Variants in IL1RAPL1 observed in about 807,000 individuals in gnomAD.
IL1RAPL1 encodes the protein interleukin 1 receptor accessory protein like 1.
Under a neutral mutation model 48.4 loss-of-function variants are expected in IL1RAPL1, and 3 were observed. The ratio of observed to expected loss-of-function variants is 0.06; its 90% confidence interval spans 0.03 to 0.16. The LOEUF is 0.16. IL1RAPL1 is among the 10% of genes least tolerant of loss of function. IL1RAPL1 has a pLI of 1.00. For missense variants in IL1RAPL1, 349 were observed against 530.6 expected (o/e 0.66, Z 3.36); for synonymous variants, 185 against 187.7 (o/e 0.99, Z 0.12).
intron 6 of IL1RAPL1, among the ~76,000 whole-genome samples, chrX:29,813,722 T>A (rs1451000904): frequency 9.0e-6 from 1 of 111,026 alleles, no homozygotes; most frequent in African/African-American, 3.3e-5. Flanking sequence ...TACGTAGTTT[T>A]TCAGACTTTA....
chrX:29,540,560 A>G (rs750109266), intron 5 of IL1RAPL1, among the ~76,000 whole-genome samples: 1 of 112,121 alleles, frequency 8.9e-6, no homozygotes, highest in Admixed American at 9.5e-5. Flanking sequence ...CTTAAACTGC[A>G]TGGTACTGGT....
At chrX:29,180,204 T>C (rs1047073962) in intron 2 of IL1RAPL1, among the ~76,000 whole-genome samples, 2 of 109,012 alleles carry the variant, frequency 1.8e-5, no homozygotes, top group African/African-American at 3.4e-5. Flanking sequence ...GTCAGTGCAA[T>C]GAGAACTACT....
intron 2 of IL1RAPL1, among the ~76,000 whole-genome samples, chrX:28,888,819 T>A (rs767330191): frequency 9.0e-6 from 1 of 111,532 alleles, no homozygotes; most frequent in Non-Finnish European, 1.9e-5. Flanking sequence ...TCCTTTTTTT[T>A]AAGACGTGAA....
intron 8 of IL1RAPL1, among the ~76,000 whole-genome samples, chrX:29,929,656 A>G: frequency 8.9e-6 from 1 of 111,817 alleles, no homozygotes; most frequent in East Asian, 2.8e-4. Flanking sequence ...TGCAGTTCAA[A>G]GTACCGACTT....
At chrX:29,076,794 G>GTCTA (rs770331923) in intron 2 of IL1RAPL1, among the ~76,000 whole-genome samples, 39 of 34,679 alleles carry the variant, frequency 1.1e-3, no homozygotes, top group African/African-American at 3.3e-3. Context: ...CTGTCTGTCT[G>GTCTA]TCTGTCTGTC....
At chrX:29,142,982 C>T (rs1418398597) in intron 2 of IL1RAPL1, among the ~76,000 whole-genome samples, 3 of 110,857 alleles carry the variant, frequency 2.7e-5, no homozygotes, top group South Asian at 3.8e-4. Flanking sequence ...GGTGAGCCAC[C>T]GCGCCTGGCC....
intron 1 of IL1RAPL1, among the ~76,000 whole-genome samples, chrX:28,745,003 G>A (rs6630748): frequency 0.058 from 6,419 of 111,155 alleles, 365 homozygotes; most frequent in East Asian, 0.33. Context: ...CACACCTTTC[G>A]TAAATATACC....
At chrX:28,653,324 A>C (rs1934708178) in intron 1 of IL1RAPL1, among the ~76,000 whole-genome samples, 1 of 110,441 alleles carries the variant, frequency 9.1e-6, no homozygotes, top group African/African-American at 3.3e-5. Flanking sequence ...AAAATACAAA[A>C]ATTAGCCAGG....
intron 3 of IL1RAPL1, among the ~76,000 whole-genome samples, chrX:29,304,726 TAAGAG>T (rs1054367960): frequency 1.2e-4 from 13 of 112,675 alleles, no homozygotes; most frequent in Non-Finnish European, 2.1e-4. Context: ...CTTGAAAAGA[TAAGAG>T]AAATTTAAAA....
intron 2 of IL1RAPL1, among the ~76,000 whole-genome samples, chrX:29,133,667 T>C: frequency 8.9e-6 from 1 of 111,850 alleles, no homozygotes; most frequent in Non-Finnish European, 1.9e-5. Context: ...ACAGTTGTAA[T>C]ACAATATATT....
chrX:29,562,160 A>G (rs1322955158), intron 5 of IL1RAPL1, among the ~76,000 whole-genome samples: 5 of 98,018 alleles, frequency 5.1e-5, no homozygotes, highest in African/African-American at 2.2e-4. Flanking sequence ...CTATCTATCT[A>G]TCTATCTATC....
intron 1 of IL1RAPL1, among the ~76,000 whole-genome samples, chrX:28,723,163 G>A (rs749166658): frequency 9.0e-5 from 10 of 111,351 alleles, no homozygotes; most frequent in Non-Finnish European, 1.7e-4. Flanking sequence ...GTTTCAGAAG[G>A]TATGGTTCCA....
At chrX:29,423,392 G>A (rs1934314210) in intron 5 of IL1RAPL1, among the ~76,000 whole-genome samples, 1 of 112,350 alleles carries the variant, frequency 8.9e-6, no homozygotes, top group Non-Finnish European at 1.9e-5. Flanking sequence ...TCCTGAGGTT[G>A]TGTCATGGAC....
intron 2 of IL1RAPL1, among the ~76,000 whole-genome samples, chrX:28,987,853 A>T (rs1925512791): frequency 8.9e-6 from 1 of 112,151 alleles, no homozygotes; most frequent in African/African-American, 3.2e-5. Context: ...GGTCTAATCA[A>T]GTTCAAATGT....
At chrX:29,924,146 A>C (rs1932867385) in intron 8 of IL1RAPL1, among the ~76,000 whole-genome samples, 1 of 112,211 alleles carries the variant, frequency 8.9e-6, no homozygotes, top group Non-Finnish European at 1.9e-5. Context: ...TCGTATGTGT[A>C]AATACTTATC....
At chrX:29,003,621 T>C (rs1392713) in intron 2 of IL1RAPL1, among the ~76,000 whole-genome samples, 2,113 of 111,869 alleles carry the variant, frequency 0.019, 50 homozygotes, top group African/African-American at 0.066. Context: ...TGCATAAAGC[T>C]CAATGTAGAT....
At chrX:29,186,299 C>T (rs1171675738) in intron 2 of IL1RAPL1, among the ~76,000 whole-genome samples, 1 of 111,693 alleles carries the variant, frequency 9.0e-6, no homozygotes, top group African/African-American at 3.3e-5. Context: ...TCTTTGTGAC[C>T]AACTTGGACA....
chrX:29,041,289 G>A (rs749784489), intron 2 of IL1RAPL1, among the ~76,000 whole-genome samples: 4 of 111,414 alleles, frequency 3.6e-5, no homozygotes, highest in Admixed American at 9.6e-5. Context: ...GCAGGCAGGG[G>A]GGTGGAATTT....
chrX:29,908,058 G>A (rs1473220119), intron 6 of IL1RAPL1, among the ~76,000 whole-genome samples: 1 of 110,636 alleles, frequency 9.0e-6, no homozygotes, highest in Non-Finnish European at 1.9e-5. Flanking sequence ...TAAACTGTAA[G>A]TACATTAAAT....
Sources: allele counts gnomAD v4.1 joint callset (sites outside exome capture counted in the v4.1 genomes callset), GRCh38; gene constraint gnomAD v4.1.1; transcripts MANE v1.5; gene names NCBI Gene and HGNC (gene_info 2026-07-23, HGNC 2026-07-21).